Variants in KRTAP10-8 observed in about 807,000 individuals in gnomAD.
The protein encoded by KRTAP10-8 is keratin-associated protein 10-8.
For missense variants in KRTAP10-8, 323 were observed against 329.3 expected (o/e 0.98, Z 0.15); for synonymous variants, 153 against 139.5 (o/e 1.10, Z -0.68).
rs781898287 is a variant in KRTAP10-8, at chr21:44,612,752, C to A, written c.652C>A (p.Arg218=). 1 of 1,613,580 alleles carries A rather than the reference C, an allele frequency of 6.2e-7. No homozygotes were observed. Residue 218 remains arginine, a synonymous_variant, in exon 1 of 1, where the codon CGG becomes AGG. Coordinates refer to ENST00000334662, the MANE Select transcript of KRTAP10-8 (RefSeq NM_198695.2). The surrounding 1 kb of genome is among the most constrained non-coding windows in gnomAD (Gnocchi z 4.1). ...SVSLLCRPVC[R]PACCVPVPSC... is the part of the protein sequence containing the mutation. ...GTCCCTCCTCTGCCGCCCTGTGTGC[C>A]GGCCTGCCTGCTGTGTGCCTGTCCC... is the stretch of plus-strand genomic sequence containing the variant.
In KRTAP10-8 at chr21:44,612,466, G is replaced by T. The variant is rs1157721154; in HGVS notation, c.366G>T (p.Val122=). 1.3e-6 allele frequency: 2 copies of T among 1,596,146 alleles called. No individual in the cohort carries two copies. Among genetic ancestry groups the T allele is most frequent in the Non-Finnish European group, 8.5e-7 (1 of 1,173,180 alleles). Residue 122 remains valine, a synonymous_variant, in exon 1 of 1, where the codon GTG becomes GTT. Coordinates refer to ENST00000334662, the MANE Select transcript of KRTAP10-8 (RefSeq NM_198695.2). This position sits in a 1 kb window ranked among gnomAD's most constrained non-coding sequence, Gnocchi z 4.1. The part of the protein sequence containing the change: ...SPCQQACCVP[V]CCKSNCCKPV... ...GCCAACAGGCCTGCTGTGTGCCTGT[G>T]TGCTGCAAGTCCAACTGCTGCAAGC... is the stretch of plus-strand genomic sequence containing the variant.
In KRTAP10-8 at chr21:44,612,822, A is replaced by G. The variant is rs1555931523; in HGVS notation, c.722A>G (p.His241Arg). ...TCCTCCTGCCAGCCCAGCTGCTGCC[A>G]CCCGGCCTCCTGCCTGTCCTTCCTC... ...PASSCQPSCC[H>R]PASCLSFLCR... is the part of the protein sequence containing the mutation. Residue 241 changes from histidine to arginine, a missense_variant, in exon 1 of 1, where the codon CAC (histidine) becomes CGC (arginine). By Grantham distance (29) the His-to-Arg change is conservative. Coordinates refer to ENST00000334662, the MANE Select transcript of KRTAP10-8 (RefSeq NM_198695.2). The surrounding 1 kb of genome is among the most constrained non-coding windows in gnomAD (Gnocchi z 4.1). The G allele has an allele frequency of 1.9e-6, 3 of 1,611,128 alleles. No individual in the cohort carries two copies. Among genetic ancestry groups the G allele is most frequent in the East Asian group, 2.2e-5 (1 of 44,776 alleles).
Position 44,612,605 on chromosome 21 carries a change from A to G in KRTAP10-8, c.505A>G (p.Ile169Val). ...SPCQQACCVP[I>V]CCKPICCVPV... Reference sequence around the variant, plus strand: ...ATGCCAACAGGCCTGCTGTGTGCCCATCTGCTGCAAGCCCATCTGCTGTGT... The same window carrying G: ...ATGCCAACAGGCCTGCTGTGTGCCCGTCTGCTGCAAGCCCATCTGCTGTGT... Residue 169 changes from isoleucine (I) to valine (V), a missense_variant, in exon 1 of 1, where the codon ATC (isoleucine) becomes GTC (valine). By Grantham distance (29) the Ile-to-Val change is conservative. Transcript: ENST00000334662. The surrounding 1 kb of genome is among the most constrained non-coding windows in gnomAD (Gnocchi z 4.1). 2 of 1,613,264 alleles carry G rather than the reference A, an allele frequency of 1.2e-6. No homozygotes were observed. Among genetic ancestry groups the G allele is most frequent in the Non-Finnish European group, 1.7e-6 (2 of 1,179,788 alleles).
Position 44,612,529 on chromosome 21 carries a change from C to G in KRTAP10-8, c.429C>G (p.Ser143=). Residue 143 remains serine (S), a synonymous_variant, in exon 1 of 1, where the codon TCC becomes TCG. Coordinates refer to ENST00000334662, the MANE Select transcript of KRTAP10-8 (RefSeq NM_198695.2). This position sits in a 1 kb window ranked among gnomAD's most constrained non-coding sequence, Gnocchi z 4.1. ...TGTCCATCTGCTCTGGAGCTTCCTCCCCATGCTGCCAGCAGTCTAGCTGCC... is the reference window on the plus strand; with the variant it reads ...TGTCCATCTGCTCTGGAGCTTCCTCGCCATGCTGCCAGCAGTCTAGCTGCC... ...CCVSICSGAS[S]PCCQQSSCQS... The G allele has an allele frequency of 6.2e-7, 1 of 1,609,270 alleles. No homozygotes were observed. The highest frequency in any genetic ancestry group is 8.5e-7 in the Non-Finnish European group (1 of 1,176,958).
Position 44,612,205 on chromosome 21 carries a change from C to G in KRTAP10-8, c.105C>G (p.Thr35=), listed in dbSNP as rs1426860713. The part of the protein sequence containing the change: ...GHVSRVSSPS[T]CTGSSWQVDN... Reference sequence around the variant, plus strand: ...TCAGCCGAGTCTCCTCCCCCAGCACCTGCACTGGCTCCTCCTGGCAGGTGG... The same window carrying G: ...TCAGCCGAGTCTCCTCCCCCAGCACGTGCACTGGCTCCTCCTGGCAGGTGG... Residue 35 remains threonine (T), a synonymous_variant, in exon 1 of 1, where the codon ACC becomes ACG. Coordinates refer to ENST00000334662, the MANE Select transcript of KRTAP10-8 (RefSeq NM_198695.2). This position sits in a 1 kb window ranked among gnomAD's most constrained non-coding sequence, Gnocchi z 4.1. The G allele has an allele frequency of 6.2e-7, 1 of 1,613,858 alleles. No homozygotes were observed. The highest frequency in any genetic ancestry group is 1.3e-5 in the African/African-American group (1 of 74,900).
the KRTAP10-8 span, chr21:44,612,553 CCAGT>C: frequency 6.2e-7 from 1 of 1,614,078 alleles, no homozygotes; most frequent in Non-Finnish European, 8.5e-7. This position sits in a 1 kb window ranked among gnomAD's most constrained non-coding sequence, Gnocchi z 4.1. Context: ...AGTCTAGCTG[CCAGT>C]CAGCTTGCTG....
rs140050455 is a variant in KRTAP10-8, at chr21:44,612,500, T to G, written c.400T>G (p.Cys134Gly). 7.5e-3 allele frequency: 12,042 copies of G among 1,611,440 alleles called. 54 individuals are homozygous for G. The highest frequency in any genetic ancestry group is 8.7e-3 in the Non-Finnish European group (10,253 of 1,178,422). Residue 134 changes from cysteine (C) to glycine (G), a missense_variant, in exon 1 of 1, where the codon TGC (cysteine) becomes GGC (glycine). Cys to Gly is a radical substitution (Grantham distance 159). Transcript: ENST00000334662. The surrounding 1 kb of genome is among the most constrained non-coding windows in gnomAD (Gnocchi z 4.1). ...CKSNCCKPVC[C>G]VSICSGASSP... ...GTCCAACTGCTGCAAGCCCGTGTGCTGCGTGTCCATCTGCTCTGGAGCTTC... is the reference window on the plus strand; with the variant it reads ...GTCCAACTGCTGCAAGCCCGTGTGCGGCGTGTCCATCTGCTCTGGAGCTTC...
rs782331350 is a variant in KRTAP10-8, at chr21:44,612,842, T to C, written c.742T>C (p.Phe248Leu). 1.6e-5 allele frequency: 26 copies of C among 1,612,390 alleles called. No homozygotes were observed. The Admixed American group carries it at 2.2e-4, about 13-fold the overall frequency. ...CTGCCACCCGGCCTCCTGCCTGTCCTTCCTCTGCCGCCCCGCGTGCTCCCG... is the reference window on the plus strand; with the variant it reads ...CTGCCACCCGGCCTCCTGCCTGTCCCTCCTCTGCCGCCCCGCGTGCTCCCG... ...SCCHPASCLSFLCRPACSRLA... is the reference protein window; with the variant it reads ...SCCHPASCLSLLCRPACSRLA... The change falls in exon 1 of 1, where the codon TTC becomes CTC. Residue 248 changes from phenylalanine (F) to leucine (L), a missense_variant. Physicochemically the swap from Phe to Leu is conservative, Grantham distance 22. Transcript: ENST00000334662. This position sits in a 1 kb window ranked among gnomAD's most constrained non-coding sequence, Gnocchi z 4.1.
rs147628953 is a variant in KRTAP10-8, at chr21:44,612,577, C to T, written c.477C>T (p.Ser159=). The part of the protein sequence containing the change: ...SSCQSACCTF[S]PCQQACCVPI... ...GCCAGTCAGCTTGCTGCACCTTCTC[C>T]CCATGCCAACAGGCCTGCTGTGTGC... Residue 159 remains serine (S), a synonymous_variant, in exon 1 of 1, where the codon TCC becomes TCT. Coordinates refer to ENST00000334662, the MANE Select transcript of KRTAP10-8 (RefSeq NM_198695.2). This position sits in a 1 kb window ranked among gnomAD's most constrained non-coding sequence, Gnocchi z 4.1. 1.2e-6 allele frequency: 2 copies of T among 1,614,086 alleles called. No individual in the cohort carries two copies. The highest frequency in any genetic ancestry group is 1.1e-5 in the South Asian group (1 of 91,074).
chr21:44,612,512 T>TC, the KRTAP10-8 span: 8 of 1,609,754 alleles, frequency 5.0e-6, no homozygotes, highest in Non-Finnish European at 6.8e-6. This position sits in a 1 kb window ranked among gnomAD's most constrained non-coding sequence, Gnocchi z 4.1. Flanking sequence ...CGTGTCCATC[T>TC]GCTCTGGAGC....
rs1981748024 is a variant in KRTAP10-8, at chr21:44,612,376, C to A, written c.276C>A (p.Asp92Glu). 1 of 1,613,962 alleles carries A rather than the reference C, an allele frequency of 6.2e-7. No homozygotes were observed. The highest frequency in any genetic ancestry group is 8.5e-7 in the Non-Finnish European group (1 of 1,180,050). ...EPSPCQSGCT[D>E]SCTPSCCQQS... ...GCCCCTGCCAATCAGGCTGCACCGA[C>A]TCCTGCACACCTTCATGCTGCCAGC... The change falls in exon 1 of 1, where the codon GAC becomes GAA. Residue 92 changes from aspartate to glutamate, a missense_variant. Asp to Glu is a conservative substitution (Grantham distance 45). Coordinates refer to ENST00000334662, the MANE Select transcript of KRTAP10-8 (RefSeq NM_198695.2). This position sits in a 1 kb window ranked among gnomAD's most constrained non-coding sequence, Gnocchi z 4.1.
rs1981819183 is a variant in KRTAP10-8 at position 44,612,933 on chromosome 21, C to T, written c.*53C>T. 6.3e-7 allele frequency: 1 copy of T among 1,594,922 alleles called. No individual in the cohort carries two copies. On this transcript the variant is annotated 3_prime_UTR_variant, in exon 1 of 1. Transcript: ENST00000334662. The surrounding 1 kb of genome is among the most constrained non-coding windows in gnomAD (Gnocchi z 4.1). ...TGCTGATGGGCACGTCCCCCAGGGC[C>T]AGCCGGCTCCGGTCCTGTCCTGGGT...
chr21:44,612,535 C>T lies in KRTAP10-8; in HGVS notation c.435C>T (p.Cys145=), dbSNP rs1981770939. Residue 145 remains cysteine (C), a synonymous_variant, in exon 1 of 1, where the codon TGC becomes TGT. Coordinates refer to ENST00000334662, the MANE Select transcript of KRTAP10-8 (RefSeq NM_198695.2). The surrounding 1 kb of genome is among the most constrained non-coding windows in gnomAD (Gnocchi z 4.1). The part of the protein sequence containing the change: ...VSICSGASSP[C]CQQSSCQSAC... Reference sequence around the variant, plus strand: ...TCTGCTCTGGAGCTTCCTCCCCATGCTGCCAGCAGTCTAGCTGCCAGTCAG... The same window carrying T: ...TCTGCTCTGGAGCTTCCTCCCCATGTTGCCAGCAGTCTAGCTGCCAGTCAG... 1 of 1,612,424 alleles carries T rather than the reference C, an allele frequency of 6.2e-7. No homozygotes were observed. The highest frequency in any genetic ancestry group is 1.7e-5 in the Admixed American group (1 of 59,898).
rs1569219574 is a variant in KRTAP10-8 at position 44,612,853 on chromosome 21, C to T, written c.753C>T (p.Arg251=). The change falls in exon 1 of 1, where the codon CGC becomes CGT. Residue 251 remains arginine, a synonymous_variant. Transcript: ENST00000334662. This position sits in a 1 kb window ranked among gnomAD's most constrained non-coding sequence, Gnocchi z 4.1. ...HPASCLSFLC[R]PACSRLAC ...CCTCCTGCCTGTCCTTCCTCTGCCG[C>T]CCCGCGTGCTCCCGCCTGGCCTGCT... The T allele has an allele frequency of 1.2e-6, 2 of 1,612,386 alleles. No individual in the cohort carries two copies. The highest frequency in any genetic ancestry group is 2.7e-5 in the African/African-American group (2 of 74,900).
Sources: gnomAD v4.1 joint callset for allele counts on GRCh38, gnomAD v4.1.1 for gene constraint, Gnocchi (gnomAD v3.1) non-coding constraint, MANE v1.5 for transcripts, NCBI Gene and HGNC (gene_info 2026-07-23, HGNC 2026-07-21) for gene names.